Variants in PYY observed in about 807,000 individuals in gnomAD.
PYY encodes the protein peptide YY.
In PYY, 12 loss-of-function variants were observed where a neutral mutation model predicts 10.3. That is an observed-to-expected ratio of 1.17 (90% CI 0.75 to 1.89). The LOEUF (loss-of-function observed/expected upper bound fraction) is 1.89, where lower values mean the gene tolerates loss of function less well. PYY is among the 40% of genes most tolerant of loss of function. The pLI, the probability that PYY is intolerant of heterozygous loss-of-function variation, is 0.00. For missense variants in PYY, 141 were observed against 134.0 expected (o/e 1.05, Z -0.26); for synonymous variants, 66 against 62.0 (o/e 1.06, Z -0.30).
intron 1 of PYY, among the ~76,000 whole-genome samples, chr17:43,980,626 A>G (rs1430557728): frequency 1.3e-5 from 2 of 151,346 alleles, no homozygotes; most frequent in Non-Finnish European, 2.9e-5. Flanking sequence ...GGTGCCCACC[A>G]CCACACTCAG....
At chr17:43,986,202 T>C (rs749985853) in intron 1 of PYY, among the ~76,000 whole-genome samples, 2 of 152,006 alleles carry the variant, frequency 1.3e-5, no homozygotes, top group African/African-American at 4.8e-5. Context: ...GGGGTTGCAG[T>C]GAGCCGAGAT....
At position 43,987,919 on chromosome 17, in the gene PYY, G is replaced by T. The variant is rs1038820651; in HGVS notation, c.-463+16472C>A. Among the ~76,000 whole-genome samples the T allele has an allele frequency of 6.6e-6, 1 of 152,146 alleles. No homozygotes were observed. Among genetic ancestry groups the T allele is most frequent in the African/African-American group, 2.4e-5 (1 of 41,422 alleles). On this transcript the variant is annotated intron_variant, in intron 1 of 6. Coordinates refer to the PYY transcript ENST00000360085. This position sits in a 1 kb window ranked among gnomAD's most constrained non-coding sequence, Gnocchi z 4.0. The stretch of plus-strand genomic sequence containing the variant: ...AGGGGCAGAGAGCGGTGGGACATAT[G>T]CCTCCATCTGTCCTGTCCAGTCCCC...
chr17:43,990,489 G>A (rs1597857560), intron 1 of PYY, among the ~76,000 whole-genome samples: 1 of 145,680 alleles, frequency 6.9e-6, no homozygotes, highest in Non-Finnish European at 1.5e-5. Flanking sequence ...CAAGACTCAA[G>A]AGCATTAAAA....
At chr17:43,955,937 G>C (rs1370505807), upstream of PYY, among the ~76,000 whole-genome samples, 1 of 151,912 alleles carries the variant, frequency 6.6e-6, no homozygotes, top group Non-Finnish European at 1.5e-5. Flanking sequence ...AGAGAGTAGG[G>C]GGCTATTTGC....
intron 2 of PYY, among the ~76,000 whole-genome samples, chr17:43,963,582 G>GAAAGAAAGA (rs1555617098): frequency 8.1e-4 from 60 of 73,854 alleles, no homozygotes; most frequent in African/African-American, 2.7e-3. Flanking sequence ...AAGAAAGAAA[G>GAAAGAAAGA]AAAGAAAGAA....
chr17:43,963,565 G>GAAAAGAAAGAAAGA (rs1172149155), intron 2 of PYY, among the ~76,000 whole-genome samples: 1 of 97,012 alleles, frequency 1.0e-5, no homozygotes, highest in South Asian at 3.4e-4. Flanking sequence ...AGGAAGGAAG[G>GAAAAGAAAGAAAGA]AAGGAAAAGA....
chr17:43,959,870 G>C (rs1033962908), intron 2 of PYY, among the ~76,000 whole-genome samples: 1 of 152,190 alleles, frequency 6.6e-6, no homozygotes, highest in Non-Finnish European at 1.5e-5. Flanking sequence ...TGTGCTGCAG[G>C]TGCAGAAACT....
chr17:43,953,174 G>C lies in PYY; in HGVS notation c.204C>G (p.Asp68Glu). ...TTTTGGAAAGAAGCGTGTCCGGGCC[G>C]TCTCTTTTCCCATACCTGGGGGCGG... ...LVTRQRYGKR[D>E]GPDTLLSKTF... The change falls in exon 3 of 4, where the codon GAC becomes GAG. Residue 68 changes from aspartate (D) to glutamate (E), a missense_variant. Physicochemically the swap from Asp to Glu is conservative, Grantham distance 45 (BLOSUM62 2). Transcript: ENST00000692052. 6.2e-7 allele frequency: 1 copy of C among 1,613,820 alleles called. No homozygotes were observed. The highest frequency in any genetic ancestry group is 8.5e-7 in the Non-Finnish European group (1 of 1,179,802).
upstream of PYY, among the ~76,000 whole-genome samples, chr17:43,957,619 T>C (rs1040458166): frequency 6.6e-6 from 1 of 152,228 alleles, no homozygotes; most frequent in Non-Finnish European, 1.5e-5. Flanking sequence ...ATGGTGCCAC[T>C]GCACTCCAGC....
chr17:43,953,204 G>A lies in PYY; in HGVS notation c.189-15C>T. The stretch of plus-strand genomic sequence containing the variant: ...TTTTCCCATACCTGGGGGCGGGGAA[G>A]GGAAGAGCGTGGTCAGATCTGGCCA... On this transcript the variant is annotated splice_polypyrimidine_tract_variant and intron_variant, in intron 2 of 3. Transcript: ENST00000692052. 1 of 1,613,646 alleles carries A rather than the reference G, an allele frequency of 6.2e-7. No individual in the cohort carries two copies. Among genetic ancestry groups the A allele is most frequent in the South Asian group, 1.1e-5 (1 of 91,054 alleles).
At chr17:43,959,787 G>A (rs570132330) in intron 2 of PYY, among the ~76,000 whole-genome samples, 2 of 152,262 alleles carry the variant, frequency 1.3e-5, no homozygotes, top group African/African-American at 4.8e-5. Context: ...TGAGTTCTGC[G>A]CACATCCCCT....
intron 1 of PYY, among the ~76,000 whole-genome samples, chr17:43,997,742 C>T (rs947021868): frequency 2.0e-5 from 3 of 152,088 alleles, no homozygotes; most frequent in Admixed American, 1.3e-4. Flanking sequence ...CCACCCCTTA[C>T]GAATGCGGCT....
Position 43,994,421 on chromosome 17 carries a change from T to C in PYY, c.-463+9970A>G, listed in dbSNP as rs1055689419. 2.6e-5 allele frequency among the ~76,000 whole-genome samples: 4 copies of C among 152,032 alleles called. No individual in the cohort carries two copies. The South Asian group carries it at 6.2e-4, about 24-fold the overall frequency. ...ACAGTAACAGTCAAGTCAGCGAACA[T>C]TGCCACTTTCTTGGTTTCTCTGTTT... On this transcript the variant is annotated intron_variant, in intron 1 of 6. Transcript: ENST00000360085.
intron 1 of PYY, among the ~76,000 whole-genome samples, chr17:43,986,817 CT>C (rs1028372275): frequency 1.3e-5 from 2 of 152,198 alleles, no homozygotes; most frequent in Non-Finnish European, 2.9e-5. Context: ...TCAACACCAG[CT>C]GTCACAAACT....
chr17:43,974,192 G>C (rs1213725479), intron 1 of PYY, among the ~76,000 whole-genome samples: 2 of 151,942 alleles, frequency 1.3e-5, no homozygotes, highest in East Asian at 3.9e-4. Context: ...TACCCTTAAA[G>C]GTATCGTGGG....
intron 1 of PYY, among the ~76,000 whole-genome samples, chr17:43,977,281 C>T (rs150566524): frequency 9.5e-4 from 145 of 152,230 alleles, no homozygotes; most frequent in Non-Finnish European, 1.4e-3. Flanking sequence ...CCATTAGCTG[C>T]GACTTAGTCT....
chr17:43,974,619 A>C (rs2543103), intron 1 of PYY, among the ~76,000 whole-genome samples: 146,026 of 152,266 alleles, frequency 0.96, 70,051 homozygotes, highest in East Asian at 1. Flanking sequence ...TGCCAGCTCA[A>C]TGTAAGCACC....
chr17:43,991,575 G>T (rs2048957134), intron 1 of PYY, among the ~76,000 whole-genome samples: 1 of 152,134 alleles, frequency 6.6e-6, no homozygotes, highest in Non-Finnish European at 1.5e-5. Context: ...GCTTCTCCAT[G>T]CTTCCTCTCC....
chr17:43,972,802 C>T (rs1285648037), intron 1 of PYY, among the ~76,000 whole-genome samples: 2 of 151,930 alleles, frequency 1.3e-5, no homozygotes, highest in Admixed American at 1.3e-4. Flanking sequence ...CCGCAACCTC[C>T]GCCTCCTGAG....
Sources: gnomAD v4.1 joint callset for allele counts (sites outside exome capture counted in the v4.1 genomes callset) on GRCh38, gnomAD v4.1.1 for gene constraint, Gnocchi (gnomAD v3.1) non-coding constraint, MANE v1.5 for transcripts, NCBI Gene and HGNC (gene_info 2026-07-23, HGNC 2026-07-21) for gene names.